Variants in CRPPA observed in about 807,000 individuals in gnomAD.
CRPPA encodes CDP-L-ribitol pyrophosphorylase A, also known as D-ribitol-5-phosphate cytidylyltransferase.
CRPPA carries 43 observed loss-of-function variants against 52.0 expected under a neutral mutation model. That is an observed-to-expected ratio of 0.83 (90% CI 0.65 to 1.07). CRPPA has a LOEUF of 1.07. Ranked by LOEUF, CRPPA falls within the 50% of genes least tolerant of loss-of-function variation. CRPPA has a pLI of 0.00. For missense variants in CRPPA, 629 were observed against 551.7 expected (o/e 1.14, Z -1.40); for synonymous variants, 250 against 203.5 (o/e 1.23, Z -1.94).
intron 3 of CRPPA, among the ~76,000 whole-genome samples, chr7:16,328,756 C>A (rs1406140557): frequency 1.3e-5 from 2 of 152,106 alleles, no homozygotes; most frequent in African/African-American, 4.8e-5. Flanking sequence ...CTCAGGTGAT[C>A]CACCCGCCTC....
chr7:16,265,811 A>G (rs1783937479), intron 6 of CRPPA, among the ~76,000 whole-genome samples: 1 of 152,182 alleles, frequency 6.6e-6, no homozygotes, highest in Non-Finnish European at 1.5e-5. Context: ...TAGTACACCT[A>G]TGCACGGGCA....
chr7:16,281,879 G>A (rs775188959), intron 5 of CRPPA, among the ~76,000 whole-genome samples: 8 of 152,034 alleles, frequency 5.3e-5, no homozygotes, highest in South Asian at 4.1e-4. Context: ...AACGTTGTTC[G>A]TAACATCTTA....
At chr7:16,297,596 G>A (rs1466449469) in intron 5 of CRPPA, among the ~76,000 whole-genome samples, 1 of 152,116 alleles carries the variant, frequency 6.6e-6, no homozygotes, top group Non-Finnish European at 1.5e-5. Context: ...TCTAAAACAG[G>A]TAATACAGTG....
chr7:16,400,139 G>A (rs188138556), intron 2 of CRPPA, among the ~76,000 whole-genome samples: 1 of 152,254 alleles, frequency 6.6e-6, no homozygotes, highest in Non-Finnish European at 1.5e-5. Context: ...CAACATGGTT[G>A]ACACGTGATT....
Position 16,389,913 on chromosome 7 carries a change from C to CAAAAAAAAAAAAAAAAAA in CRPPA, c.535-13673_535-13672insTTTTTTTTTTTTTTTTTT, listed in dbSNP as rs1163092089. 1.8e-3 allele frequency among the ~76,000 whole-genome samples: 61 copies of CAAAAAAAAAAAAAAAAAA among 34,298 alleles called. 5 individuals carry two copies. Among genetic ancestry groups the CAAAAAAAAAAAAAAAAAA allele is most frequent in the East Asian group, 4.0e-3 (3 of 756 alleles). The allele number at this position is 34,298 out of a possible 152,430, so 22.5% of individuals were successfully genotyped here. A position where few individuals can be genotyped will look rare whatever the true frequency, so the allele number is the denominator to read the frequency against. ...GGATACAGAGAACAAGCCTAGTATA[C>CAAAAAAAAAAAAAAAAAA]AAAAAAAAAAAAAAAATATATATAT... On this transcript the variant is annotated intron_variant, in intron 2 of 9. Coordinates refer to ENST00000407010, the MANE Select transcript of CRPPA (RefSeq NM_001101426.4).
At chr7:16,390,968 C>G (rs1004509820) in intron 2 of CRPPA, among the ~76,000 whole-genome samples, 1 of 152,132 alleles carries the variant, frequency 6.6e-6, no homozygotes, top group Non-Finnish European at 1.5e-5. Context: ...TTTTATTTAA[C>G]ACAATCTACA....
intron 9 of CRPPA, among the ~76,000 whole-genome samples, chr7:16,136,563 C>T (rs2128374260): frequency 6.6e-6 from 1 of 152,258 alleles, no homozygotes; most frequent in African/African-American, 2.4e-5. Flanking sequence ...TACATAGATC[C>T]TGAAACAGAG....
chr7:16,242,302 T>A (rs1009555675), intron 8 of CRPPA, among the ~76,000 whole-genome samples: 2 of 152,104 alleles, frequency 1.3e-5, no homozygotes, highest in Non-Finnish European at 2.9e-5. Flanking sequence ...TTTATGAATT[T>A]ACCTTTTAGT....
At chr7:16,166,540 A>C (rs1416949524) in intron 9 of CRPPA, among the ~76,000 whole-genome samples, 1 of 152,180 alleles carries the variant, frequency 6.6e-6, no homozygotes, top group Non-Finnish European at 1.5e-5. Context: ...TCAATCTCTC[A>C]AAATGCTAGG....
At chr7:16,398,770 G>T (rs117178734) in intron 2 of CRPPA, among the ~76,000 whole-genome samples, 1 of 152,132 alleles carries the variant, frequency 6.6e-6, no homozygotes, top group African/African-American at 2.4e-5. Flanking sequence ...CACGTGATAC[G>T]TGACTGACAC....
chr7:16,166,269 A>G (rs2128383701), intron 9 of CRPPA, among the ~76,000 whole-genome samples: 1 of 151,410 alleles, frequency 6.6e-6, no homozygotes, highest in African/African-American at 2.4e-5. Flanking sequence ...TCCTAACACT[A>G]CTGGTACAGC....
chr7:16,217,041 G>C (rs1169592768), intron 8 of CRPPA, among the ~76,000 whole-genome samples: 1 of 151,506 alleles, frequency 6.6e-6, no homozygotes, highest in African/African-American at 2.4e-5. Context: ...AAATGTCCCT[G>C]TCTGACAGCT....
At chr7:16,397,547 C>T (rs917588703) in intron 2 of CRPPA, among the ~76,000 whole-genome samples, 22 of 152,104 alleles carry the variant, frequency 1.4e-4, no homozygotes, top group African/African-American at 4.1e-4. Context: ...ATGTGATTGA[C>T]GAAATGTGAT....
chr7:16,385,535 T>G (rs927619080), intron 2 of CRPPA, among the ~76,000 whole-genome samples: 6 of 152,124 alleles, frequency 3.9e-5, no homozygotes, highest in Non-Finnish European at 8.8e-5. Flanking sequence ...AACCAGTATT[T>G]CACACATGAA....
chr7:16,232,621 G>C (rs1003874591), intron 8 of CRPPA, among the ~76,000 whole-genome samples: 2 of 152,152 alleles, frequency 1.3e-5, no homozygotes, highest in Non-Finnish European at 2.9e-5. Flanking sequence ...GCATTAGGTT[G>C]AGTATAAAGA....
chr7:16,292,491 T>C (rs1784584117), intron 5 of CRPPA, among the ~76,000 whole-genome samples: 1 of 151,952 alleles, frequency 6.6e-6, no homozygotes, highest in Non-Finnish European at 1.5e-5. Flanking sequence ...AGAATTAGAA[T>C]TCAAGCCATC....
intron 9 of CRPPA, among the ~76,000 whole-genome samples, chr7:16,149,133 G>C (rs1313752819): frequency 6.6e-6 from 1 of 152,126 alleles, no homozygotes; most frequent in Non-Finnish European, 1.5e-5. Flanking sequence ...AGGGTACTAT[G>C]AATATACATA....
chr7:16,096,290 C>G (rs1331008661), intron 9 of CRPPA, among the ~76,000 whole-genome samples: 3 of 150,432 alleles, frequency 2.0e-5, no homozygotes, highest in African/African-American at 7.4e-5. Flanking sequence ...AAAAAAAACA[C>G]CCATAATCAG....
chr7:16,308,159 T>G (rs1271220696), intron 4 of CRPPA, among the ~76,000 whole-genome samples: 1 of 152,152 alleles, frequency 6.6e-6, no homozygotes, highest in Non-Finnish European at 1.5e-5. Context: ...GAAGCCACTA[T>G]GCTTCCTATG....
Sources: allele counts gnomAD v4.1 joint callset (sites outside exome capture counted in the v4.1 genomes callset), GRCh38; gene constraint gnomAD v4.1.1; transcripts MANE v1.5; gene names NCBI Gene and HGNC (gene_info 2026-07-23, HGNC 2026-07-21).